Variants in WWOX observed in about 807,000 individuals in gnomAD.
The protein encoded by WWOX is WW domain-containing oxidoreductase.
Under a neutral mutation model 46.2 loss-of-function variants are expected in WWOX, and 69 were observed. The observed-to-expected ratio is 1.49, with a 90% CI of 1.23 to 1.82. WWOX has a LOEUF of 1.82. Ranked by LOEUF, WWOX falls within the 40% of genes most tolerant of loss-of-function variation. The pLI, the probability that WWOX is intolerant of heterozygous loss-of-function variation, is 0.00. For synonymous variants in WWOX, 359 were observed against 202.6 expected, an observed-to-expected ratio of 1.77 and a Z score of -6.56; for missense variants, 919 against 542.6, an observed-to-expected ratio of 1.69 and a Z score of -6.89.
intron 8 of WWOX, among the ~76,000 whole-genome samples, chr16:78,629,653 G>A (rs1219955146): frequency 2.0e-5 from 3 of 152,134 alleles, no homozygotes; most frequent in Non-Finnish European, 4.4e-5. Context: ...CCTTGCCACA[G>A]GGCCTTTGCA....
At chr16:79,187,106 A>T (rs1458812081) in intron 8 of WWOX, among the ~76,000 whole-genome samples, 3 of 152,206 alleles carry the variant, frequency 2.0e-5, no homozygotes, top group East Asian at 1.9e-4. Context: ...TTAGAAAATC[A>T]TAGACACTGA....
intron 8 of WWOX, among the ~76,000 whole-genome samples, chr16:78,826,526 A>C (rs1397581287): frequency 6.6e-6 from 1 of 152,196 alleles, no homozygotes; most frequent in Non-Finnish European, 1.5e-5. Flanking sequence ...CTGCCTCTGC[A>C]GCCACATGGC....
At chr16:79,167,293 T>G (rs368279535) in intron 8 of WWOX, among the ~76,000 whole-genome samples, 2 of 152,196 alleles carry the variant, frequency 1.3e-5, no homozygotes, top group South Asian at 4.1e-4. Context: ...GAAGCAAATA[T>G]GACAAAATGC....
Position 78,422,663 on chromosome 16 carries a change from G to GTATGTATATATATATATATA in WWOX, c.606-2204_606-2203insGTATATATATATATATATAT, listed in dbSNP as rs1555536293. ...GCCCAGCCTCCTGTTTTTTTTACATGTATATATATATATATATATATACAC... is the reference window on the plus strand; with the variant it reads ...GCCCAGCCTCCTGTTTTTTTTACATGTATGTATATATATATATATATATATATATATATATATATATACAC... On this transcript the variant is annotated intron_variant, in intron 6 of 8. Transcript: ENST00000566780. 5.2e-3 allele frequency among the ~76,000 whole-genome samples: 128 copies of GTATGTATATATATATATATA among 24,412 alleles called. 9 individuals carry two copies. Among genetic ancestry groups the GTATGTATATATATATATATA allele is most frequent in the Middle Eastern group, 0.026 (1 of 38 alleles). 16.0% of individuals were successfully genotyped at this position (24,412 alleles called of 152,430 possible). A position where few individuals can be genotyped will look rare whatever the true frequency, so the allele number is the denominator to read the frequency against.
At chr16:78,583,786 C>T (rs922000744) in intron 8 of WWOX, among the ~76,000 whole-genome samples, 12 of 152,200 alleles carry the variant, frequency 7.9e-5, no homozygotes, top group African/African-American at 2.9e-4. Flanking sequence ...AAGGGCGAAG[C>T]TGCCTTTTAA....
intron 8 of WWOX, among the ~76,000 whole-genome samples, chr16:78,730,967 A>C (rs1567521529): frequency 6.6e-6 from 1 of 152,160 alleles, no homozygotes; most frequent in Non-Finnish European, 1.5e-5. Context: ...ATCATTAACA[A>C]AGTAACTCAA....
chr16:78,588,133 G>A (rs192389720), intron 8 of WWOX, among the ~76,000 whole-genome samples: 3,745 of 152,220 alleles, frequency 0.025, 114 homozygotes, highest in East Asian at 0.11. Context: ...TGCAGAGAGG[G>A]GGTTAGTATT....
chr16:78,340,314 A>C (rs1364187549), intron 5 of WWOX, among the ~76,000 whole-genome samples: 1 of 115,914 alleles, frequency 8.6e-6, no homozygotes, highest in African/African-American at 2.9e-5. Context: ...GTCCTGCCTT[A>C]GCCTCCCAAG....
At chr16:78,642,753 C>T (rs146660681) in intron 8 of WWOX, among the ~76,000 whole-genome samples, 61 of 152,142 alleles carry the variant, frequency 4.0e-4, no homozygotes, top group African/African-American at 1.5e-3. Context: ...CATCAGGATA[C>T]CTCAGTGGGG....
intron 8 of WWOX, among the ~76,000 whole-genome samples, chr16:78,799,312 G>C (rs978809744): frequency 2.0e-5 from 3 of 152,154 alleles, no homozygotes; most frequent in African/African-American, 7.2e-5. Context: ...GAAAACCCCA[G>C]GGTAGATGCT....
At chr16:78,274,519 C>G (rs774011946) in intron 5 of WWOX, among the ~76,000 whole-genome samples, 1 of 152,156 alleles carries the variant, frequency 6.6e-6, no homozygotes, top group Non-Finnish European at 1.5e-5. Context: ...CTTGACCTGT[C>G]CCTTTTCTGG....
intron 8 of WWOX, among the ~76,000 whole-genome samples, chr16:78,558,339 T>G (rs1042137781): frequency 8.5e-5 from 13 of 152,226 alleles, no homozygotes. Context: ...CTGCTGAAGT[T>G]TGTTTTGGAT....
rs77170088 is a variant in WWOX, at chr16:78,795,840, G to A, written c.1056+363088G>A. 3.5e-3 allele frequency among the ~76,000 whole-genome samples: 535 copies of A among 152,192 alleles called. 10 individuals are homozygous for A. The East Asian group carries it at 0.057, about 16-fold the overall frequency. On this transcript the variant is annotated intron_variant, in intron 8 of 8. Coordinates refer to ENST00000566780, the MANE Select transcript of WWOX (RefSeq NM_016373.4). ...TAAAGTATCTAGTAGAGTGGCTAGC[G>A]TATAGTGAGTACCCAATAAATGCAA...
intron 8 of WWOX, among the ~76,000 whole-genome samples, chr16:78,937,842 G>A (rs907538883): frequency 6.6e-6 from 1 of 152,022 alleles, no homozygotes; most frequent in African/African-American, 2.4e-5. Context: ...TGGCCAGGCT[G>A]GTCTGGAACT....
chr16:78,465,364 G>C (rs2084050143), intron 8 of WWOX, among the ~76,000 whole-genome samples: 1 of 152,178 alleles, frequency 6.6e-6, no homozygotes, highest in South Asian at 2.1e-4. Context: ...CTTTTTTTAA[G>C]AGATGGGGTC....
At chr16:79,072,893 G>A (rs555310976) in intron 8 of WWOX, among the ~76,000 whole-genome samples, 1 of 152,282 alleles carries the variant, frequency 6.6e-6, no homozygotes, top group South Asian at 2.1e-4. Flanking sequence ...GGGCTGAGAT[G>A]ATGAGAAGTT....
At chr16:78,728,267 G>A (rs941356160) in intron 8 of WWOX, among the ~76,000 whole-genome samples, 3 of 151,738 alleles carry the variant, frequency 2.0e-5, no homozygotes, top group Non-Finnish European at 4.4e-5. Flanking sequence ...GTCCCACTGT[G>A]TTGCCCAAGC....
chr16:79,124,377 C>G (rs1443020018), intron 8 of WWOX, among the ~76,000 whole-genome samples: 1 of 151,844 alleles, frequency 6.6e-6, no homozygotes, highest in Non-Finnish European at 1.5e-5. Context: ...TTATTGGAAA[C>G]CATAGAGAAG....
intron 6 of WWOX, among the ~76,000 whole-genome samples, chr16:78,415,795 T>A (rs2082784537): frequency 6.6e-6 from 1 of 152,160 alleles, no homozygotes; most frequent in Non-Finnish European, 1.5e-5. Context: ...TGGCCCATTG[T>A]CACTCTCATT....
Sources: gnomAD v4.1 joint callset for allele counts (sites outside exome capture counted in the v4.1 genomes callset) on GRCh38, gnomAD v4.1.1 for gene constraint, MANE v1.5 for transcripts, NCBI Gene and HGNC (gene_info 2026-07-23, HGNC 2026-07-21) for gene names.